Variants in DPYD observed in about 807,000 individuals in gnomAD.
The protein encoded by DPYD is dihydropyrimidine dehydrogenase [NADP(+)].
DPYD carries 109 observed loss-of-function variants against 116.2 expected under a neutral mutation model. That is an observed-to-expected ratio of 0.94 (90% confidence interval 0.80 to 1.10). The LOEUF (loss-of-function observed/expected upper bound fraction) is 1.10. DPYD is among the 50% of genes least tolerant of loss of function. DPYD has a pLI of 0.00. For missense variants in DPYD, 1,302 were observed against 1,254.5 expected, an observed-to-expected ratio of 1.04 and a Z score of -0.57; for synonymous variants, 440 against 432.0, an observed-to-expected ratio of 1.02 and a Z score of -0.23.
chr1:97,517,878 T>G (rs897033678), intron 12 of DPYD, among the ~76,000 whole-genome samples: 22 of 152,128 alleles, frequency 1.4e-4, no homozygotes, highest in African/African-American at 5.1e-4. Context: ...TTACAAGTAT[T>G]CTTCTCTTTT....
At chr1:97,668,723 G>A (rs1379691249) in intron 8 of DPYD, among the ~76,000 whole-genome samples, 1 of 151,744 alleles carries the variant, frequency 6.6e-6, no homozygotes, top group Non-Finnish European at 1.5e-5. Flanking sequence ...CCTGTAAAAT[G>A]GAAACTTAAC....
At chr1:97,168,511 G>T (rs896484764) in intron 20 of DPYD, among the ~76,000 whole-genome samples, 9 of 152,194 alleles carry the variant, frequency 5.9e-5, no homozygotes, top group African/African-American at 2.2e-4. Context: ...AGAGTTGGGT[G>T]AAAATTGTTA....
intron 18 of DPYD, among the ~76,000 whole-genome samples, chr1:97,270,744 T>C (rs925936000): frequency 2.0e-5 from 3 of 152,192 alleles, no homozygotes; most frequent in Non-Finnish European, 2.9e-5. Flanking sequence ...GAGCCATCCT[T>C]GCCTATTTAA....
intron 19 of DPYD, among the ~76,000 whole-genome samples, chr1:97,196,063 C>G (rs981771171): frequency 5.9e-5 from 9 of 151,620 alleles, no homozygotes; most frequent in African/African-American, 2.2e-4. Context: ...GAGGAAGAGG[C>G]GAGCTGGGGT....
At chr1:97,555,962 C>T (rs993985892) in intron 11 of DPYD, among the ~76,000 whole-genome samples, 1 of 152,202 alleles carries the variant, frequency 6.6e-6, no homozygotes, top group African/African-American at 2.4e-5. Context: ...GCATTTGACT[C>T]CAAAGCTTCA....
At chr1:97,835,943 TGA>T (rs973428815) in intron 2 of DPYD, among the ~76,000 whole-genome samples, 4 of 152,172 alleles carry the variant, frequency 2.6e-5, no homozygotes, top group Non-Finnish European at 4.4e-5. Context: ...CTGAACAATC[TGA>T]CCCATCTCCA....
At position 97,225,979 on chromosome 1, in the gene DPYD, C is replaced by T. The variant is rs191980464; in HGVS notation, c.2442+8873G>A. 2.0e-5 allele frequency among the ~76,000 whole-genome samples: 3 copies of T among 152,086 alleles called. No individual in the cohort carries two copies. The East Asian group carries it at 5.8e-4, about 29-fold the overall frequency. On this transcript the variant is annotated intron_variant, in intron 19 of 22. Transcript: ENST00000370192. ...GCCGTATCTCTGATAAACATGGTTG[C>T]AAAAATCTTCACCAAAGTAATAACA...
At chr1:97,414,853 C>G (rs1036312520) in intron 14 of DPYD, among the ~76,000 whole-genome samples, 1 of 152,216 alleles carries the variant, frequency 6.6e-6, no homozygotes, top group African/African-American at 2.4e-5. Flanking sequence ...CTGGCAGGGC[C>G]AGCTTCTTCC....
At chr1:97,113,645 T>G (rs1651762176) in intron 20 of DPYD, among the ~76,000 whole-genome samples, 1 of 152,118 alleles carries the variant, frequency 6.6e-6, no homozygotes, top group Non-Finnish European at 1.5e-5. Flanking sequence ...TGTTGATATA[T>G]TTGAATATCA....
In DPYD at chr1:97,770,879, A is replaced by T. The variant is rs371999850; in HGVS notation, c.234-30400T>A. 3.9e-5 allele frequency among the ~76,000 whole-genome samples: 6 copies of T among 152,196 alleles called. No homozygotes were observed. In the East Asian group the frequency reaches 9.6e-4, roughly 24 times the overall value. On this transcript the variant is annotated intron_variant, in intron 3 of 22. Transcript: ENST00000370192. ...ATGTGTTTGTGCATATGTAGCTAAA[A>T]CAGACAATAATATCATAAGTATTAT...
intron 4 of DPYD, among the ~76,000 whole-genome samples, chr1:97,722,359 A>G (rs1662971981): frequency 6.6e-6 from 1 of 151,598 alleles, no homozygotes; most frequent in South Asian, 2.1e-4. Flanking sequence ...GGAACAGAAA[A>G]AAAAGTAAAA....
intron 8 of DPYD, among the ~76,000 whole-genome samples, chr1:97,649,508 A>G (rs1571127117): frequency 1.3e-5 from 2 of 152,170 alleles, no homozygotes; most frequent in African/African-American, 4.8e-5. Context: ...TCTATCTTGA[A>G]TGATTTTGTG....
chr1:97,562,247 T>C (rs955116322), intron 11 of DPYD, among the ~76,000 whole-genome samples: 2 of 152,116 alleles, frequency 1.3e-5, no homozygotes, highest in Non-Finnish European at 2.9e-5. Flanking sequence ...TTCCAAAGTA[T>C]GAGAGTAATG....
At chr1:97,882,171 A>G (rs999921203) in intron 2 of DPYD, among the ~76,000 whole-genome samples, 2 of 152,006 alleles carry the variant, frequency 1.3e-5, no homozygotes, top group Non-Finnish European at 2.9e-5. Flanking sequence ...CCTCTACTAG[A>G]AGCATCATGA....
intron 2 of DPYD, among the ~76,000 whole-genome samples, chr1:97,862,017 A>T (rs543511275): frequency 6.6e-6 from 1 of 152,080 alleles, no homozygotes; most frequent in African/African-American, 2.4e-5. Context: ...CATGAATAGA[A>T]GTGTAGATCC....
At chr1:97,198,410 T>G (rs190257821) in intron 19 of DPYD, among the ~76,000 whole-genome samples, 13 of 152,328 alleles carry the variant, frequency 8.5e-5, no homozygotes, top group African/African-American at 3.1e-4. Context: ...GAAACAAGAA[T>G]AATTTGCTGA....
Position 97,373,621 on chromosome 1 carries a change from C to T in DPYD, c.1998G>A (p.Glu666=), listed in dbSNP as rs1557665755. ...KSEDSGADAL[E]LNLSCPHGMG... ...TGCCATGTGGACATGATAAATTTAA[C>T]TCCAGGGCATCTGCTCCAGAATCCT... The change falls in exon 16 of 23, where the codon GAG becomes GAA. Residue 666 remains glutamate (E), a synonymous_variant. Coordinates refer to ENST00000370192, the MANE Select transcript of DPYD (RefSeq NM_000110.4). The T allele has an allele frequency of 6.2e-7, 1 of 1,613,894 alleles. No homozygotes were observed. Among genetic ancestry groups the T allele is most frequent in the Admixed American group, 1.7e-5 (1 of 60,018 alleles).
At chr1:97,161,457 A>G (rs1655890247) in intron 20 of DPYD, among the ~76,000 whole-genome samples, 1 of 152,126 alleles carries the variant, frequency 6.6e-6, no homozygotes, top group African/African-American at 2.4e-5. Flanking sequence ...ATCATAACGG[A>G]GCTGTGGGTA....
At chr1:97,555,273 A>C (rs1054345900) in intron 11 of DPYD, among the ~76,000 whole-genome samples, 6 of 151,978 alleles carry the variant, frequency 3.9e-5, no homozygotes, top group African/African-American at 7.3e-5. Flanking sequence ...TCAGCTCTCA[A>C]ATATTCAGTC....
Sources: allele counts gnomAD v4.1 joint callset (sites outside exome capture counted in the v4.1 genomes callset), GRCh38; gene constraint gnomAD v4.1.1; transcripts MANE v1.5; gene names NCBI Gene and HGNC (gene_info 2026-07-23, HGNC 2026-07-21).